The following SP100 variants were observed in gnomAD, a reference collection of about 807,000 sequenced individuals.
The protein encoded by SP100 is nuclear autoantigen Sp-100.
A neutral mutation model predicts 130.0 loss-of-function variants in SP100; 84 were observed. The ratio of observed to expected loss-of-function variants is 0.65; its 90% confidence interval spans 0.54 to 0.77. The LOEUF is 0.77. SP100 is among the 30% of genes least tolerant of loss of function. The probability of loss-of-function intolerance (pLI) is 0.00; values close to 1 mark genes in which losing one functional copy is unlikely to be tolerated. For synonymous variants in SP100, 331 were observed against 351.7 expected, an observed-to-expected ratio of 0.94 and a Z score of 0.66; for missense variants, 978 against 1,052.2, an observed-to-expected ratio of 0.93 and a Z score of 0.97.
chr2:230,430,898 T>C (rs2063079032), intron 2 of SP100, among the ~76,000 whole-genome samples: 1 of 152,218 alleles, frequency 6.6e-6, no homozygotes, highest in South Asian at 2.1e-4. Context: ...TTAGGCAGGG[T>C]GGCTGGCTTG....
intron 2 of SP100, among the ~76,000 whole-genome samples, chr2:230,439,734 A>G (rs996811483): frequency 2.0e-5 from 3 of 152,038 alleles, no homozygotes; most frequent in East Asian, 1.9e-4. Flanking sequence ...TATCAGATCT[A>G]TATCTTAGGA....
intron 2 of SP100, among the ~76,000 whole-genome samples, chr2:230,440,928 G>C (rs1349662336): frequency 6.6e-6 from 1 of 151,656 alleles, no homozygotes; most frequent in Non-Finnish European, 1.5e-5. Flanking sequence ...ATATTTCTTA[G>C]ATAGTACACT....
At chr2:230,534,883 C>A (rs545897292) in intron 24 of SP100, among the ~76,000 whole-genome samples, 1 of 152,238 alleles carries the variant, frequency 6.6e-6, no homozygotes, top group East Asian at 1.9e-4. Context: ...TGTTATTTTG[C>A]ATTGATTCTT....
intron 17 of SP100, among the ~76,000 whole-genome samples, chr2:230,475,701 G>A (rs2065507029): frequency 6.6e-6 from 1 of 152,106 alleles, no homozygotes; most frequent in Admixed American, 6.6e-5. Flanking sequence ...TCCATCTTGA[G>A]TTAATTTTTG....
intron 4 of SP100, among the ~76,000 whole-genome samples, chr2:230,446,454 T>C (rs959871548): frequency 5.3e-5 from 8 of 152,196 alleles, no homozygotes; most frequent in African/African-American, 1.9e-4. Context: ...TGGCTGATTA[T>C]AAAAAAGTGG....
At chr2:230,486,685 A>G (rs1251777721) in intron 17 of SP100, among the ~76,000 whole-genome samples, 1 of 152,240 alleles carries the variant, frequency 6.6e-6, no homozygotes, top group African/African-American at 2.4e-5. Flanking sequence ...TCCTTTGGGT[A>G]TATACCCAGT....
intron 24 of SP100, chr2:230,516,010 T>G: frequency 2.1e-6 from 2 of 963,468 alleles, no homozygotes; most frequent in Non-Finnish European, 2.4e-6. Flanking sequence ...TGAATGCCAC[T>G]CTGTAATTGC....
At chr2:230,520,115 C>A (rs2150095148) in intron 24 of SP100, among the ~76,000 whole-genome samples, 1 of 152,280 alleles carries the variant, frequency 6.6e-6, no homozygotes, top group African/African-American at 2.4e-5. Flanking sequence ...TCCAGAGTCA[C>A]CTCCAAAGAA....
At position 230,423,546 on chromosome 2, in the gene SP100, C is replaced by T. The variant is rs146961492; in HGVS notation, c.107+5881C>T. 7.9e-5 allele frequency among the ~76,000 whole-genome samples: 12 copies of T among 152,180 alleles called. No homozygotes were observed. The East Asian group carries it at 2.3e-3, about 29-fold the overall frequency. On this transcript the variant is annotated intron_variant, in intron 2 of 28. Transcript: ENST00000340126. ...ATATTTCTTTCCTAATTCTTTACTTCTCCTTTGTTGAGGGGATTACCTTGT... is the reference window on the plus strand; with the variant it reads ...ATATTTCTTTCCTAATTCTTTACTTTTCCTTTGTTGAGGGGATTACCTTGT...
rs1283208790 is a variant in SP100 at position 230,449,719 on chromosome 2, G to A, written c.736+9G>A. 1.2e-6 allele frequency: 2 copies of A among 1,613,938 alleles called. No homozygotes were observed. Among genetic ancestry groups the A allele is most frequent in the Admixed American group, 1.7e-5 (1 of 60,012 alleles). On this transcript the variant is annotated intron_variant, in intron 7 of 28. Transcript: ENST00000340126. Reference sequence around the variant, plus strand: ...AAAGGCTGAGCCAACAGGTAAGACTGACTGGGTTGGCATGAATGGGGAGGA... The same window carrying A: ...AAAGGCTGAGCCAACAGGTAAGACTAACTGGGTTGGCATGAATGGGGAGGA...
At position 230,469,108 on chromosome 2, in the gene SP100, T is replaced by A; in HGVS notation, c.1345+12T>A. On this transcript the variant is annotated intron_variant, in intron 14 of 28. Transcript: ENST00000340126. The stretch of plus-strand genomic sequence containing the variant: ...CAGCAGGAAGAGACGTAAGAGCAAT[T>A]AAAAACTCTTGATGTAACAAATGTC... 1 of 1,538,510 alleles carries A rather than the reference T, an allele frequency of 6.5e-7. No homozygotes were observed. The highest frequency in any genetic ancestry group is 9.0e-7 in the Non-Finnish European group (1 of 1,114,412).
At chr2:230,528,968 A>C (rs980922334) in intron 24 of SP100, among the ~76,000 whole-genome samples, 2 of 152,204 alleles carry the variant, frequency 1.3e-5, no homozygotes, top group Non-Finnish European at 2.9e-5. Context: ...CCAGGACCAG[A>C]CAGATTCACA....
chr2:230,535,905 T>G (rs1691915750), intron 24 of SP100, among the ~76,000 whole-genome samples: 2 of 30,414 alleles, frequency 6.6e-5, no homozygotes, highest in South Asian at 3.7e-3. Context: ...AGACTCCATC[T>G]CAAAAAAAAA....
At chr2:230,505,119 G>A (rs7561147) in intron 21 of SP100, among the ~76,000 whole-genome samples, 1 of 152,136 alleles carries the variant, frequency 6.6e-6, no homozygotes, top group East Asian at 1.9e-4. Context: ...ACTTGCATAT[G>A]GACAATGGCC....
At chr2:230,453,246 G>A (rs149266338) in intron 8 of SP100, among the ~76,000 whole-genome samples, 79 of 152,294 alleles carry the variant, frequency 5.2e-4, no homozygotes, top group African/African-American at 1.8e-3. Context: ...ACTGTTGTGA[G>A]AACAGCATTG....
intron 23 of SP100, chr2:230,509,747 C>G (rs1358421355): frequency 1.3e-5 from 2 of 152,154 alleles, no homozygotes; most frequent in Non-Finnish European, 2.9e-5. Flanking sequence ...TTTTGTTAAA[C>G]CTGCTGGTGA....
chr2:230,448,547 A>G (rs1054245375), intron 5 of SP100, among the ~76,000 whole-genome samples: 7 of 152,218 alleles, frequency 4.6e-5, no homozygotes, highest in Admixed American at 2.0e-4. Flanking sequence ...ATCTAAAAAA[A>G]TAAAAACAGA....
At chr2:230,515,144 T>G (rs747867925) in intron 24 of SP100, 3 of 1,612,256 alleles carry the variant, frequency 1.9e-6, no homozygotes, top group Non-Finnish European at 2.5e-6. Context: ...TTCTCAGAGT[T>G]TTTAAAGAAG....
At chr2:230,417,791 C>T in intron 2 of SP100, 126 bp downstream of exon 2, 3 of 1,379,274 alleles carry the variant, frequency 2.2e-6, no homozygotes, top group Non-Finnish European at 1.9e-6. Context: ...TTGTTTTTTG[C>T]CAATATGATT....
Sources: allele counts gnomAD v4.1 joint callset (sites outside exome capture counted in the v4.1 genomes callset), GRCh38; gene constraint gnomAD v4.1.1; transcripts MANE v1.5; gene names NCBI Gene and HGNC (gene_info 2026-07-23, HGNC 2026-07-21).